Variants in XIRP2 observed in about 807,000 individuals in gnomAD.
XIRP2 encodes xin actin-binding repeat-containing protein 2.
Under a neutral mutation model 277.0 loss-of-function variants are expected in XIRP2, and 236 were observed. That is an observed-to-expected ratio of 0.85 (90% CI 0.77 to 0.95). The LOEUF is 0.95. XIRP2 is among the 40% of genes least tolerant of loss of function. The probability of loss-of-function intolerance (pLI) is 0.00; values close to 1 mark genes in which losing one functional copy is unlikely to be tolerated. For missense variants in XIRP2, 4,640 were observed against 4,157.5 expected, an observed-to-expected ratio of 1.12 and a Z score of -3.19; for synonymous variants, 1,490 against 1,416.5, an observed-to-expected ratio of 1.05 and a Z score of -1.17.
chr2:167,100,970 T>C (rs1285386908), intron 2 of XIRP2, among the ~76,000 whole-genome samples: 1 of 152,238 alleles, frequency 6.6e-6, no homozygotes, highest in Non-Finnish European at 1.5e-5. Context: ...TTGTTCTTTT[T>C]TATTCTTTTT....
intron 3 of XIRP2, among the ~76,000 whole-genome samples, chr2:167,168,701 G>A (rs920255768): frequency 1.5e-4 from 23 of 152,066 alleles, no homozygotes; most frequent in African/African-American, 1.9e-4. Context: ...TGCAAGCTCC[G>A]CCTCCCGGGT....
chr2:167,231,380 A>G (rs561000331), intron 5 of XIRP2, among the ~76,000 whole-genome samples: 2 of 152,146 alleles, frequency 1.3e-5, no homozygotes, highest in South Asian at 4.1e-4. Context: ...GTCTCATGGA[A>G]CATACGTTAC....
rs111733963 is a variant in XIRP2 at position 167,254,907 on chromosome 2, ATT to A, written c.*39+755_*39+756del. Among the ~76,000 whole-genome samples, 90 of 143,974 alleles carry A rather than the reference ATT, an allele frequency of 6.3e-4. 1 individual carries two copies. The highest frequency in any genetic ancestry group is 1.3e-3 in the African/African-American group (52 of 39,700). 94.5% of individuals were successfully genotyped at this position (143,974 alleles called of 152,430 possible). A position where few individuals can be genotyped will look rare whatever the true frequency, so the allele number is the denominator to read the frequency against. ...ACTGTAGTCTGAGATGCTAAAATTG[ATT>A]TTTTTTTTTTTTGGCTAAATCTAAT... On this transcript the variant is annotated intron_variant, in intron 10 of 10. Transcript: ENST00000409195.
chr2:167,132,999 G>A (rs1691431516), intron 2 of XIRP2, among the ~76,000 whole-genome samples: 1 of 152,132 alleles, frequency 6.6e-6, no homozygotes, highest in East Asian at 1.9e-4. Context: ...CCAGTAGTTG[G>A]TTGTTGAACA....
intron 2 of XIRP2, among the ~76,000 whole-genome samples, chr2:166,955,809 A>T (rs1686147045): frequency 6.7e-6 from 1 of 150,284 alleles, no homozygotes. Flanking sequence ...TTTTCTGTTT[A>T]GTTTGCTTTT....
chr2:167,246,297 G>T lies in XIRP2; in HGVS notation c.4905G>T (p.Leu1635Phe), dbSNP rs1415582105. ...AAGAAGAGAAGGGAAATGTTAATTT[G>T]ACTAAAACTCAATTATTAAACAGAT... ...ISEEEKGNVN[L>F]TKTQLLNRST... Residue 1635 changes from leucine (L) to phenylalanine (F), a missense_variant, in exon 9 of 11, where the codon TTG becomes TTT. By Grantham distance (22) the Leu-to-Phe change is conservative. Transcript: ENST00000409195. The T allele has an allele frequency of 1.2e-6, 2 of 1,613,212 alleles. No individual in the cohort carries two copies. The highest frequency in any genetic ancestry group is 1.7e-5 in the Admixed American group (1 of 59,908).
At chr2:167,240,071 C>A in intron 6 of XIRP2, 106 bp downstream of exon 6, 2 of 916,134 alleles carry the variant, frequency 2.2e-6, no homozygotes, top group Non-Finnish European at 3.1e-6. Flanking sequence ...TATCTAGTAT[C>A]AATACCTATC....
chr2:167,223,320 T>G (rs7564281), intron 5 of XIRP2, among the ~76,000 whole-genome samples: 1 of 152,138 alleles, frequency 6.6e-6, no homozygotes, highest in Non-Finnish European at 1.5e-5. Context: ...ATGAAATTGC[T>G]GCACTGAATC....
chr2:166,930,494 G>A (rs984568370), intron 2 of XIRP2, among the ~76,000 whole-genome samples: 1 of 152,084 alleles, frequency 6.6e-6, no homozygotes, highest in Non-Finnish European at 1.5e-5. Context: ...ATAGACTCAT[G>A]GAAGACTCAT....
At chr2:166,952,931 T>C (rs1686072335) in intron 2 of XIRP2, among the ~76,000 whole-genome samples, 2 of 152,016 alleles carry the variant, frequency 1.3e-5, no homozygotes, top group African/African-American at 4.8e-5. Context: ...ATGGTGCAGA[T>C]GTGGACAATA....
chr2:167,234,701 TGGAGC>T (rs1285310680), intron 5 of XIRP2, among the ~76,000 whole-genome samples: 2 of 151,874 alleles, frequency 1.3e-5, no homozygotes, highest in Non-Finnish European at 3.0e-5. Flanking sequence ...TAAGTAAAAC[TGGAGC>T]CTTTACTTCT....
intron 2 of XIRP2, among the ~76,000 whole-genome samples, chr2:167,066,029 A>G (rs1455687787): frequency 6.6e-6 from 1 of 151,890 alleles, no homozygotes. Context: ...ATTAATAAAC[A>G]TATCCATCAC....
At chr2:167,022,556 G>A (rs532076841) in intron 2 of XIRP2, among the ~76,000 whole-genome samples, 10 of 152,010 alleles carry the variant, frequency 6.6e-5, no homozygotes, top group South Asian at 4.2e-4. Context: ...CCATTAACTC[G>A]TCATTTAGCA....
At chr2:167,117,642 C>T (rs1412249579) in intron 2 of XIRP2, among the ~76,000 whole-genome samples, 1 of 152,120 alleles carries the variant, frequency 6.6e-6, no homozygotes, top group East Asian at 1.9e-4. Context: ...TAATCTACAC[C>T]CAGCTGAGCT....
rs76559794 is a variant in XIRP2 at position 166,931,758 on chromosome 2, T to C, written c.408+27868T>C. Among the ~76,000 whole-genome samples, 19 of 152,326 alleles carry C rather than the reference T, an allele frequency of 1.2e-4. No individual in the cohort carries two copies. In the South Asian group the frequency reaches 3.7e-3, roughly 30 times the overall value. On this transcript the variant is annotated intron_variant, in intron 2 of 10. Coordinates refer to ENST00000409195, the MANE Select transcript of XIRP2 (RefSeq NM_152381.6). ...TATGAATATTTTTACACATGAACTT[T>C]TGTGGACATATGCATTATTTCTCTT...
chr2:167,043,185 T>C (rs1688705772), intron 2 of XIRP2, among the ~76,000 whole-genome samples: 1 of 152,162 alleles, frequency 6.6e-6, no homozygotes, highest in African/African-American at 2.4e-5. Context: ...GCTAAAGCAG[T>C]GTCAAGAGGA....
chr2:166,940,611 C>T (rs921539553), intron 2 of XIRP2, among the ~76,000 whole-genome samples: 2 of 152,152 alleles, frequency 1.3e-5, no homozygotes, highest in African/African-American at 4.8e-5. Context: ...TGGTGGCGTA[C>T]AGATGGGGTT....
At chr2:166,936,959 G>A (rs1353460838) in intron 2 of XIRP2, among the ~76,000 whole-genome samples, 6 of 152,156 alleles carry the variant, frequency 3.9e-5, no homozygotes, top group Non-Finnish European at 8.8e-5. Flanking sequence ...GAAAGTTATT[G>A]GTAGCTTAAT....
At position 166,959,649 on chromosome 2, in the gene XIRP2, C is replaced by T. The variant is rs538569076; in HGVS notation, c.408+55759C>T. On this transcript the variant is annotated intron_variant, in intron 2 of 10. Transcript: ENST00000409195. Reference sequence around the variant, plus strand: ...TATTCTTTTGAATATAGAAATTCTTCTGACCACTCTGAAATCTCAGCATAG... The same window carrying T: ...TATTCTTTTGAATATAGAAATTCTTTTGACCACTCTGAAATCTCAGCATAG... Among the ~76,000 whole-genome samples the T allele has an allele frequency of 2.6e-5, 4 of 151,966 alleles. No homozygotes were observed. The South Asian group carries it at 6.2e-4, about 24-fold the overall frequency.
Sources: gnomAD v4.1 joint callset for allele counts (sites outside exome capture counted in the v4.1 genomes callset) on GRCh38, gnomAD v4.1.1 for gene constraint, MANE v1.5 for transcripts, NCBI Gene and HGNC (gene_info 2026-07-23, HGNC 2026-07-21) for gene names.